JADE2: variants seen among roughly 807,000 people sequenced by gnomAD.
JADE2 encodes the protein jade family PHD finger 2.
JADE2 carries 13 observed loss-of-function variants against 85.7 expected under a neutral mutation model. That is an observed-to-expected ratio of 0.15 (90% CI 0.10 to 0.24). JADE2 has a LOEUF of 0.24. Ranked by LOEUF, JADE2 falls within the 10% of genes least tolerant of loss-of-function variation. JADE2 has a pLI of 1.00. For synonymous variants in JADE2, 440 were observed against 456.1 expected (o/e 0.96, Z 0.45); for missense variants, 846 against 1,115.9 (o/e 0.76, Z 3.45).
chr5:134,540,241 C>G (rs866853446), intron 3 of JADE2, among the ~76,000 whole-genome samples: 4 of 151,778 alleles, frequency 2.6e-5, no homozygotes, highest in South Asian at 4.2e-4. Context: ...ACTTTTGAGA[C>G]AAGGTCTCCC....
intron 11 of JADE2, among the ~76,000 whole-genome samples, chr5:134,577,588 G>A (rs191761803): frequency 2.6e-5 from 4 of 152,274 alleles, no homozygotes; most frequent in Admixed American, 1.3e-4. Context: ...CTGCTCAGGA[G>A]GCTGAGTTGG....
Position 134,581,962 on chromosome 5 carries a change from G to A in JADE2, c.*2645G>A, listed in dbSNP as rs1489003047. The A allele has an allele frequency of 1.3e-5, 2 of 152,244 alleles. No individual in the cohort carries two copies. The highest frequency in any genetic ancestry group is 2.9e-5 in the Non-Finnish European group (2 of 68,094). The allele number at this position is 152,244 out of a possible 1,614,324, so 9.4% of individuals were successfully genotyped here. ...GTCTTTTTCCGGTCTACTGTCCCCAGTGTAGAGGGCTTTGCTGTCCCTGAG... is the reference window on the plus strand; with the variant it reads ...GTCTTTTTCCGGTCTACTGTCCCCAATGTAGAGGGCTTTGCTGTCCCTGAG... On this transcript the variant is annotated 3_prime_UTR_variant, in exon 12 of 12. Transcript: ENST00000681547.
chr5:134,554,317 A>G (rs1450619417), intron 4 of JADE2, among the ~76,000 whole-genome samples: 2 of 152,082 alleles, frequency 1.3e-5, no homozygotes, highest in African/African-American at 2.4e-5. Context: ...AGGCCTCTCC[A>G]GAAGTGAGAA....
At chr5:134,546,038 C>T (rs1762277372) in intron 3 of JADE2, among the ~76,000 whole-genome samples, 1 of 152,226 alleles carries the variant, frequency 6.6e-6, no homozygotes, top group Non-Finnish European at 1.5e-5. Flanking sequence ...AGCCTCCTGC[C>T]TCTTCTCTCC....
At chr5:134,552,343 C>A in intron 4 of JADE2, 134 bp downstream of exon 4, 2 of 845,724 alleles carry the variant, frequency 2.4e-6, no homozygotes, top group Non-Finnish European at 3.6e-6. Flanking sequence ...TTCCCTTTTC[C>A]AACAAACCAT....
rs1272295764 is a variant in JADE2, at chr5:134,562,288, C to T, written c.773C>T (p.Pro258Leu). 6.2e-7 allele frequency: 1 copy of T among 1,614,104 alleles called. No homozygotes were observed. The highest frequency in any genetic ancestry group is 1.7e-5 in the Admixed American group (1 of 60,026). ...GTCCAGCCAAAGTGCCTGCTCTGCCCCAAGCGAGGAGGAGCCTTGAAGCCC... is the reference window on the plus strand; with the variant it reads ...GTCCAGCCAAAGTGCCTGCTCTGCCTCAAGCGAGGAGGAGCCTTGAAGCCC... ...LGVQPKCLLC[P>L]KRGGALKPTR... The change falls in exon 7 of 12, where the codon CCC (proline) becomes CTC (leucine). Residue 258 changes from proline (P) to leucine (L), a missense_variant. Physicochemically the swap from Pro to Leu is moderately conservative, Grantham distance 98. This residue lies in a region of JADE2 where 129 missense variants were observed against 255.4 expected (regional missense o/e 0.51). Coordinates refer to ENST00000681547, the MANE Select transcript of JADE2 (RefSeq NM_001388185.1). The surrounding 1 kb of genome is among the most constrained non-coding windows in gnomAD (Gnocchi z 4.6).
intron 2 of JADE2, among the ~76,000 whole-genome samples, chr5:134,536,372 C>A (rs1761587602): frequency 6.6e-6 from 1 of 152,210 alleles, no homozygotes; most frequent in Non-Finnish European, 1.5e-5. Flanking sequence ...CAGCTACGAT[C>A]TGGCACATAG....
chr5:134,559,867 T>A lies in JADE2; in HGVS notation c.349T>A (p.Ser117Thr), dbSNP rs1464837955. ...PPLEGPPAQA[S>T]PSSTMLGEGS... The stretch of plus-strand genomic sequence containing the variant: ...ACTGGAAGGCCCCCCTGCCCAGGCA[T>A]CCCCGAGCAGCACCATGCTTGGTGA... The change falls in exon 5 of 12, where the codon TCC becomes ACC. Residue 117 changes from serine (S) to threonine (T), a missense_variant. This residue lies in a region of JADE2 where 78 missense variants were observed against 64.9 expected (regional missense o/e 1.20). Coordinates refer to ENST00000681547, the MANE Select transcript of JADE2 (RefSeq NM_001388185.1). 1 of 1,613,428 alleles carries A rather than the reference T, an allele frequency of 6.2e-7. No homozygotes were observed. The highest frequency in any genetic ancestry group is 2.2e-5 in the East Asian group (1 of 44,844).
chr5:134,565,843 A>G (rs1237490710), intron 8 of JADE2, among the ~76,000 whole-genome samples: 1 of 145,622 alleles, frequency 6.9e-6, no homozygotes, highest in Non-Finnish European at 1.5e-5. Context: ...AAAAAAATGC[A>G]GCTTGTCCCC....
rs1204395901 is a variant in JADE2 at position 134,566,480 on chromosome 5, C to A, written c.1334C>A (p.Thr445Asn). The change falls in exon 9 of 12, where the codon ACC (threonine) becomes AAC (asparagine). Residue 445 changes from threonine (T) to asparagine (N), a missense_variant. Around this residue, in one of 9 missense-constraint regions of JADE2, gnomAD observed 88 missense variants for 140.6 expected, o/e 0.63. Transcript: ENST00000681547. This position sits in a 1 kb window ranked among gnomAD's most constrained non-coding sequence, Gnocchi z 6.7. ...RKANANQPLL[T>N]PKTDEVDNLA... Reference sequence around the variant, plus strand: ...GCCAATGCCAACCAGCCGCTGCTGACCCCCAAGACCGACGAGGTGGACAAC... The same window carrying A: ...GCCAATGCCAACCAGCCGCTGCTGAACCCCAAGACCGACGAGGTGGACAAC... 1 of 1,613,016 alleles carries A rather than the reference C, an allele frequency of 6.2e-7. No homozygotes were observed. Among genetic ancestry groups the A allele is most frequent in the Non-Finnish European group, 8.5e-7 (1 of 1,179,538 alleles).
intron 3 of JADE2, among the ~76,000 whole-genome samples, chr5:134,539,929 A>C (rs1293996579): frequency 6.6e-6 from 1 of 152,084 alleles, no homozygotes; most frequent in African/African-American, 2.4e-5. Context: ...GGATTCTTTG[A>C]GACCTGATGC....
chr5:134,534,427 G>A (rs4958249), intron 1 of JADE2, among the ~76,000 whole-genome samples: 6 of 151,906 alleles, frequency 3.9e-5, no homozygotes, highest in East Asian at 1.9e-4. Context: ...GAAGCTGGGC[G>A]GCAGGCAGCC....
In JADE2 at chr5:134,573,851, G is replaced by A. The variant is rs754094322; in HGVS notation, c.1552+89G>A. 1.3e-5 allele frequency: 11 copies of A among 857,408 alleles called. 1 individual carries two copies. Among genetic ancestry groups the A allele is most frequent in the South Asian group, 1.1e-4 (8 of 75,752 alleles). 53.1% of individuals were successfully genotyped at this position (857,408 alleles called of 1,614,324 possible). On this transcript the variant is annotated intron_variant, in intron 10 of 11. Coordinates refer to ENST00000681547, the MANE Select transcript of JADE2 (RefSeq NM_001388185.1). ...AAGGAGGGTGTGTCTTTGGATCCTG[G>A]TGGGGGTATGTGCGTGGAGCCAAGG...
chr5:134,579,070 G>A lies in JADE2; in HGVS notation c.2258G>A (p.Arg753Gln), dbSNP rs767660256. Residue 753 changes from arginine to glutamine, a missense_variant, in exon 12 of 12, where the codon CGG (arginine) becomes CAG (glutamine). Physicochemically the swap from Arg to Gln is conservative, Grantham distance 43 (BLOSUM62 1). Coordinates refer to ENST00000681547, the MANE Select transcript of JADE2 (RefSeq NM_001388185.1). The surrounding 1 kb of genome is among the most constrained non-coding windows in gnomAD (Gnocchi z 4.6). ...AGCCCTAAGCCTTTGGGCCGGCTCC[G>A]GCCACCCCGCGAGAGCAAGGTAACC... ...AASPKPLGRL[R>Q]PPRESKVTRR... 1.1e-5 allele frequency: 18 copies of A among 1,613,992 alleles called. No homozygotes were observed. The highest frequency in any genetic ancestry group is 6.7e-5 in the East Asian group (3 of 44,878).
In JADE2 at chr5:134,561,016, C is replaced by T. The variant is rs1197076364; in HGVS notation, c.684+59C>T. 1.6e-5 allele frequency: 24 copies of T among 1,478,076 alleles called. 1 individual carries two copies. The South Asian group carries it at 1.9e-4, about 11-fold the overall frequency. 91.6% of individuals were successfully genotyped at this position (1,478,076 alleles called of 1,614,324 possible). A position where few individuals can be genotyped will look rare whatever the true frequency, so the allele number is the denominator to read the frequency against. On this transcript the variant is annotated intron_variant, in intron 6 of 11. Coordinates refer to ENST00000681547, the MANE Select transcript of JADE2 (RefSeq NM_001388185.1). ...CATGTATACACACGCTGCCTGGCAGCGACCCCCACTTGGCTCTCCAGGGGC... is the reference window on the plus strand; with the variant it reads ...CATGTATACACACGCTGCCTGGCAGTGACCCCCACTTGGCTCTCCAGGGGC...
At chr5:134,524,702 C>CGGGAGGG (rs1760699323), upstream of JADE2, among the ~76,000 whole-genome samples, 1 of 152,154 alleles carries the variant, frequency 6.6e-6, no homozygotes, top group South Asian at 2.1e-4. Flanking sequence ...AGGAGGCACC[C>CGGGAGGG]GGGAGGGGGG....
chr5:134,565,935 GCTC>G (rs1363996204), intron 8 of JADE2, among the ~76,000 whole-genome samples, 178 bp from the exon 9 acceptor site: 3 of 151,528 alleles, frequency 2.0e-5, no homozygotes, highest in East Asian at 3.9e-4. Context: ...GCACCCCAGA[GCTC>G]CTCCTCCTCC....
chr5:134,531,745 G>A (rs1425018977), intron 1 of JADE2, among the ~76,000 whole-genome samples: 2 of 151,926 alleles, frequency 1.3e-5, no homozygotes, highest in Admixed American at 1.3e-4. Context: ...ACTAAGCCTG[G>A]CTAATTTTTG....
intron 5 of JADE2, 62 bp from the exon 6 acceptor site, chr5:134,560,684 T>C: frequency 4.2e-6 from 6 of 1,441,312 alleles, no homozygotes; most frequent in Non-Finnish European, 5.7e-6. Flanking sequence ...AGCCAAGTCC[T>C]CTTCAAAGCT....
Sources: allele counts gnomAD v4.1 joint callset (sites outside exome capture counted in the v4.1 genomes callset), GRCh38; gene constraint gnomAD v4.1.1; regional missense constraint gnomAD v4.1.1; non-coding constraint Gnocchi (gnomAD v3.1); transcripts MANE v1.5; gene names NCBI Gene and HGNC (gene_info 2026-07-23, HGNC 2026-07-21).